The following VSTM2A variants were observed in gnomAD, a reference collection of about 807,000 sequenced individuals.
VSTM2A encodes V-set and transmembrane domain containing 2A.
In VSTM2A, 13 loss-of-function variants were observed where a neutral mutation model predicts 27.3. The observed-to-expected ratio is 0.48, with a 90% CI of 0.31 to 0.76. The LOEUF (loss-of-function observed/expected upper bound fraction) is 0.76, where lower values mean the gene tolerates loss of function less well. Ranked by LOEUF, VSTM2A falls within the 30% of genes least tolerant of loss-of-function variation. The pLI is 0.05. For synonymous variants in VSTM2A, 142 were observed against 125.7 expected (o/e 1.13, Z -0.87); for missense variants, 280 against 310.0 (o/e 0.90, Z 0.73).
At chr7:54,547,043 C>A in intron 3 of VSTM2A, 46 bp downstream of exon 3, 1 of 1,546,466 alleles carries the variant, frequency 6.5e-7, no homozygotes, top group South Asian at 1.2e-5. Context: ...GCTCGGGACG[C>A]ACAGCCCTTC....
At chr7:54,557,705 T>G (rs1007303200) in intron 4 of VSTM2A, 1 of 152,206 alleles carries the variant, frequency 6.6e-6, no homozygotes, top group Non-Finnish European at 1.5e-5. Context: ...GGAAATGATG[T>G]ACATATGAAG....
At chr7:54,567,941 T>A (rs1207639849) in intron 4 of VSTM2A, among the ~76,000 whole-genome samples, 1 of 152,150 alleles carries the variant, frequency 6.6e-6, no homozygotes, top group Non-Finnish European at 1.5e-5. Flanking sequence ...ACTGTTGCAT[T>A]TTTTGAAACT....
chr7:54,546,099 G>GGAGAGGGAGGGAAAGGAA (rs1787955296), intron 2 of VSTM2A: 2 of 145,510 alleles, frequency 1.4e-5, no homozygotes, highest in African/African-American at 5.2e-5. Flanking sequence ...GAGAGGGAAG[G>GGAGAGGGAGGGAAAGGAA]GAGAGGGAGG....
intron 4 of VSTM2A, among the ~76,000 whole-genome samples, chr7:54,553,650 G>A (rs577731775): frequency 5.3e-5 from 8 of 152,222 alleles, no homozygotes; most frequent in East Asian, 1.9e-4. Context: ...TGGAGGATAG[G>A]GAGAGTTCAT....
At position 54,569,419 on chromosome 7, in the gene VSTM2A, G is replaced by C. The variant is rs1238427428; in HGVS notation, c.*200G>C. 4.3e-6 allele frequency: 4 copies of C among 926,666 alleles called. No homozygotes were observed. Among genetic ancestry groups the C allele is most frequent in the Non-Finnish European group, 6.2e-6 (4 of 641,542 alleles). 57.4% of individuals were successfully genotyped at this position (926,666 alleles called of 1,614,324 possible). A position where few individuals can be genotyped will look rare whatever the true frequency, so the allele number is the denominator to read the frequency against. ...TAAAATCATCTCACTGACTGCTCAA[G>C]GGTTGGCCTGAATGTCATCAGGATA... On this transcript the variant is annotated 3_prime_UTR_variant, in exon 5 of 5. Coordinates refer to ENST00000402613, the MANE Select transcript of VSTM2A (RefSeq NM_001301009.2).
chr7:54,565,855 C>T (rs1219046625), intron 4 of VSTM2A, among the ~76,000 whole-genome samples: 1 of 152,170 alleles, frequency 6.6e-6, no homozygotes, highest in East Asian at 1.9e-4. Context: ...TTCCATATTT[C>T]TCCTTGGCTG....
intron 2 of VSTM2A, chr7:54,546,708 CAGCCCCGGGGA>C: frequency 2.1e-6 from 1 of 483,558 alleles, no homozygotes; most frequent in African/African-American, 2.1e-5. Context: ...AGCCCCGGGA[CAGCCCCGGGGA>C]AAGCGCGGGG....
At chr7:54,547,627 TA>T (rs1788045219) in intron 3 of VSTM2A, among the ~76,000 whole-genome samples, 1 of 152,204 alleles carries the variant, frequency 6.6e-6, no homozygotes, top group South Asian at 2.1e-4. Flanking sequence ...GTGAAAGTCT[TA>T]TTTTTTTACT....
rs144355001 is a variant in VSTM2A at position 54,550,111 on chromosome 7, C to T, written c.575C>T (p.Thr192Met). Residue 192 changes from threonine to methionine, a missense_variant, in exon 4 of 5, where the codon ACG becomes ATG. Thr to Met is a moderately conservative substitution (Grantham distance 81). Transcript: ENST00000402613. ...SSIHGSANQR[T>M]HSTSSPQVVA... is the part of the protein sequence containing the mutation. ...ATCCATGGCTCTGCCAACCAACGAA[C>T]GCACTCCACCTCCAGCCCTCAAGTG... The T allele has an allele frequency of 2.1e-4, 337 of 1,607,604 alleles. No homozygotes were observed. The highest frequency in any genetic ancestry group is 2.6e-4 in the Non-Finnish European group (309 of 1,177,080).
intron 4 of VSTM2A, chr7:54,553,995 A>T: frequency 6.4e-7 from 1 of 1,553,212 alleles, no homozygotes. Flanking sequence ...CAGAACTGTG[A>T]AGCGGCTTCC....
chr7:54,544,851 C>CGGG (rs1262881671), intron 2 of VSTM2A, 63 bp downstream of exon 2: 2 of 1,500,374 alleles, frequency 1.3e-6, no homozygotes, highest in African/African-American at 2.8e-5. Context: ...GTGTCCGGCC[C>CGGG]GGGGCTGGGG....
intron 4 of VSTM2A, among the ~76,000 whole-genome samples, chr7:54,563,967 T>TA (rs1267514947): frequency 6.6e-6 from 1 of 152,236 alleles, no homozygotes; most frequent in Non-Finnish European, 1.5e-5. Context: ...CCTTTCCCCT[T>TA]AAACAGTGAT....
At chr7:54,546,525 C>T (rs1415625977) in intron 2 of VSTM2A, 3 of 171,462 alleles carry the variant, frequency 1.7e-5, no homozygotes, top group African/African-American at 7.3e-5. Flanking sequence ...GCCGCCCCAC[C>T]CCTGGCGCCC....
At chr7:54,560,319 C>T (rs1788516118) in intron 4 of VSTM2A, among the ~76,000 whole-genome samples, 1 of 152,072 alleles carries the variant, frequency 6.6e-6, no homozygotes, top group Non-Finnish European at 1.5e-5. Flanking sequence ...TTTATTATAT[C>T]TTATTTCCTG....
At chr7:54,543,875 T>C (rs1167355995) in intron 1 of VSTM2A, among the ~76,000 whole-genome samples, 2 of 152,164 alleles carry the variant, frequency 1.3e-5, no homozygotes, top group Non-Finnish European at 2.9e-5. Flanking sequence ...TTCACCAGGG[T>C]TGCATGAATC....
chr7:54,553,171 AC>A (rs1788244812), intron 4 of VSTM2A, among the ~76,000 whole-genome samples: 2 of 152,162 alleles, frequency 1.3e-5, no homozygotes, highest in African/African-American at 2.4e-5. Context: ...CTAGTCCCAT[AC>A]CTTTTCCAGA....
At chr7:54,551,411 T>C (rs1223527715) in intron 4 of VSTM2A, 1 of 151,462 alleles carries the variant, frequency 6.6e-6, no homozygotes, top group Non-Finnish European at 1.5e-5. Context: ...TGCCCTGCCT[T>C]ATAATGTAGA....
chr7:54,568,002 T>A (rs993978243), intron 4 of VSTM2A, among the ~76,000 whole-genome samples: 2 of 152,194 alleles, frequency 1.3e-5, no homozygotes, highest in Admixed American at 1.3e-4. Context: ...ATCACTAACC[T>A]CTGGGTCTTC....
chr7:54,550,464 T>C, intron 4 of VSTM2A: 2 of 633,796 alleles, frequency 3.2e-6, no homozygotes, highest in Non-Finnish European at 2.4e-6. Flanking sequence ...ATAAATCATG[T>C]AATGTTGGTT....
Sources: gnomAD v4.1 joint callset for allele counts (sites outside exome capture counted in the v4.1 genomes callset) on GRCh38, gnomAD v4.1.1 for gene constraint, MANE v1.5 for transcripts, NCBI Gene and HGNC (gene_info 2026-07-23, HGNC 2026-07-21) for gene names.